MCPH1: variants seen among roughly 807,000 people sequenced by gnomAD.
MCPH1 encodes microcephalin.
Under a neutral mutation model 84.5 loss-of-function variants are expected in MCPH1, and 104 were observed. That is an observed-to-expected ratio of 1.23 (90% CI 1.05 to 1.45). The LOEUF (loss-of-function observed/expected upper bound fraction) is 1.45. Among genes scored for constraint, MCPH1 ranks in the 40% most tolerant of loss-of-function variants. MCPH1 has a pLI of 0.00. For synonymous variants in MCPH1, 514 were observed against 366.8 expected (o/e 1.40, Z -4.58); for missense variants, 1,498 against 1,005.7 (o/e 1.49, Z -6.62).
intron 9 of MCPH1, among the ~76,000 whole-genome samples, chr8:6,473,301 G>T (rs527635156): frequency 2.9e-5 from 4 of 139,752 alleles, no homozygotes; most frequent in African/African-American, 5.2e-5. Flanking sequence ...GCATTGAAAT[G>T]ACAGTTTTTC....
intron 13 of MCPH1, among the ~76,000 whole-genome samples, chr8:6,622,406 G>A (rs867152100): frequency 2.6e-5 from 4 of 152,166 alleles, no homozygotes; most frequent in South Asian, 2.1e-4. Context: ...AAGCAAGGAC[G>A]GCCTGGGGAA....
intron 5 of MCPH1, among the ~76,000 whole-genome samples, chr8:6,437,722 C>G (rs1402554894): frequency 6.6e-6 from 1 of 152,198 alleles, no homozygotes; most frequent in African/African-American, 2.4e-5. Flanking sequence ...AAGCTCAAGC[C>G]AGAAACGTGC....
At chr8:6,503,188 C>T in intron 12 of MCPH1, 1 of 1,614,120 alleles carries the variant, frequency 6.2e-7, no homozygotes, top group Non-Finnish European at 8.5e-7. Flanking sequence ...TGCCGTTGAA[C>T]TTATTTGTGT....
At chr8:6,573,228 A>G (rs1826807534) in intron 12 of MCPH1, among the ~76,000 whole-genome samples, 1 of 152,054 alleles carries the variant, frequency 6.6e-6, no homozygotes, top group South Asian at 2.1e-4. Context: ...CTGAGAAAGG[A>G]CTGTGGAGTG....
chr8:6,598,581 T>G (rs966986681), intron 12 of MCPH1, among the ~76,000 whole-genome samples: 1 of 152,232 alleles, frequency 6.6e-6, no homozygotes, highest in Admixed American at 6.5e-5. Flanking sequence ...GCAGGCTTTC[T>G]TCCCGAACAC....
At chr8:6,570,767 T>C (rs1440801922) in intron 12 of MCPH1, among the ~76,000 whole-genome samples, 2 of 151,334 alleles carry the variant, frequency 1.3e-5, no homozygotes, top group Middle Eastern at 3.4e-3. Context: ...CATTGTGAAA[T>C]CGTGTGTGAA....
intron 12 of MCPH1, among the ~76,000 whole-genome samples, chr8:6,554,239 C>T (rs1375203978): frequency 6.6e-6 from 1 of 150,828 alleles, no homozygotes; most frequent in African/African-American, 2.4e-5. Context: ...GACAAATGCC[C>T]AGGTGGTCTG....
chr8:6,456,478 A>T (rs1321519896), intron 9 of MCPH1, among the ~76,000 whole-genome samples: 1 of 152,082 alleles, frequency 6.6e-6, no homozygotes, highest in African/African-American at 2.4e-5. Context: ...GAAATAAAGA[A>T]CCAGTTTCCT....
At chr8:6,542,718 T>C (rs1821840409) in intron 12 of MCPH1, among the ~76,000 whole-genome samples, 1 of 152,202 alleles carries the variant, frequency 6.6e-6, no homozygotes, top group African/African-American at 2.4e-5. Flanking sequence ...TTGCTGTCTC[T>C]TTCTGTGTTA....
chr8:6,503,052 T>G, intron 12 of MCPH1: 1 of 1,607,984 alleles, frequency 6.2e-7, no homozygotes, highest in Non-Finnish European at 8.5e-7. Flanking sequence ...GCACTGGGCT[T>G]AAGTCTTTGA....
intron 11 of MCPH1, among the ~76,000 whole-genome samples, chr8:6,494,995 G>C (rs1811081948): frequency 6.6e-6 from 1 of 152,122 alleles, no homozygotes; most frequent in Non-Finnish European, 1.5e-5. Context: ...AGAACTTTAT[G>C]GAATTATAGG....
At chr8:6,563,442 C>T (rs957763251) in intron 12 of MCPH1, 1 of 153,780 alleles carries the variant, frequency 6.5e-6, no homozygotes, top group African/African-American at 2.4e-5. Flanking sequence ...TGGGAAAAAC[C>T]GATCTGTTAC....
At chr8:6,440,104 C>A (rs1306577253) in intron 6 of MCPH1, among the ~76,000 whole-genome samples, 1 of 152,038 alleles carries the variant, frequency 6.6e-6, no homozygotes, top group Admixed American at 6.6e-5. Context: ...TTGTTGTAGA[C>A]CTATTTTTGT....
At chr8:6,421,054 C>T (rs1015844965) in intron 3 of MCPH1, among the ~76,000 whole-genome samples, 4 of 152,146 alleles carry the variant, frequency 2.6e-5, no homozygotes, top group African/African-American at 9.7e-5. Flanking sequence ...GCAGTTCTTC[C>T]CTTAGGGTGG....
At chr8:6,637,030 A>T (rs142271327) in intron 13 of MCPH1, among the ~76,000 whole-genome samples, 36 of 152,354 alleles carry the variant, frequency 2.4e-4, no homozygotes, top group African/African-American at 8.2e-4. Flanking sequence ...GAGCAGAAAG[A>T]ATATGTTGAG....
At chr8:6,510,682 T>C (rs1028452816) in intron 12 of MCPH1, among the ~76,000 whole-genome samples, 6 of 152,176 alleles carry the variant, frequency 3.9e-5, no homozygotes, top group African/African-American at 1.4e-4. Context: ...TTGCACCAGA[T>C]GCAGCAAATG....
At chr8:6,534,548 C>A (rs1401053279) in intron 12 of MCPH1, among the ~76,000 whole-genome samples, 3 of 152,078 alleles carry the variant, frequency 2.0e-5, no homozygotes, top group African/African-American at 7.2e-5. Context: ...GGACTACGAG[C>A]GTGAGCCAGC....
intron 12 of MCPH1, among the ~76,000 whole-genome samples, chr8:6,528,334 C>T (rs1818773134): frequency 6.6e-6 from 1 of 152,174 alleles, no homozygotes; most frequent in Non-Finnish European, 1.5e-5. Context: ...GGTCATATTT[C>T]ATAGGTGGAA....
chr8:6,516,328 CA>C (rs1816265288), intron 12 of MCPH1, among the ~76,000 whole-genome samples: 1 of 152,174 alleles, frequency 6.6e-6, no homozygotes, highest in Non-Finnish European at 1.5e-5. Flanking sequence ...GCTGTAGTAT[CA>C]TAATTCTGCA....
Sources: gnomAD v4.1 joint callset for allele counts (sites outside exome capture counted in the v4.1 genomes callset) on GRCh38, gnomAD v4.1.1 for gene constraint, MANE v1.5 for transcripts, NCBI Gene and HGNC (gene_info 2026-07-23, HGNC 2026-07-21) for gene names.